PDE4D: variants seen among roughly 807,000 people sequenced by gnomAD.
PDE4D encodes the protein 3',5'-cyclic-AMP phosphodiesterase 4D.
In PDE4D, 24 loss-of-function variants were observed where a neutral mutation model predicts 87.4. The ratio of observed to expected loss-of-function variants is 0.27; its 90% CI spans 0.20 to 0.39. The LOEUF (loss-of-function observed/expected upper bound fraction) is 0.39, where lower values mean the gene tolerates loss of function less well. Among genes scored for constraint, PDE4D ranks in the 10% least tolerant of loss-of-function variants. The pLI is 1.00. For missense variants in PDE4D, 714 were observed against 1,041.0 expected, an observed-to-expected ratio of 0.69 and a Z score of 4.32; for synonymous variants, 384 against 383.2, an observed-to-expected ratio of 1.00 and a Z score of -0.02.
chr5:59,268,276 T>C (rs1431043351), intron 1 of PDE4D, among the ~76,000 whole-genome samples: 1 of 152,102 alleles, frequency 6.6e-6, no homozygotes, highest in Non-Finnish European at 1.5e-5. Flanking sequence ...ATTGCCCCTG[T>C]CATGCTAAAA....
rs547279311 is a variant in PDE4D, at chr5:60,007,679, T to G, written c.43-18962A>C. Among the ~76,000 whole-genome samples, 162 of 152,144 alleles carry G rather than the reference T, an allele frequency of 1.1e-3. 1 individual carries two copies. Among genetic ancestry groups the G allele is most frequent in the African/African-American group, 3.8e-3 (158 of 41,570 alleles). ...TCAGGGTTGGCAGTAACTTTAAATG[T>G]CATCTACTTCAGTATTTCCCTTGTT... On this transcript the variant is annotated intron_variant, in intron 2 of 16. Coordinates refer to the PDE4D transcript ENST00000502484.
intron 1 of PDE4D, among the ~76,000 whole-genome samples, chr5:59,323,751 T>C (rs912624729): frequency 1.6e-4 from 24 of 152,056 alleles, no homozygotes; most frequent in African/African-American, 5.6e-4. Context: ...GTCTTGAAGA[T>C]TTGCAATCCA....
intron 1 of PDE4D, among the ~76,000 whole-genome samples, chr5:60,254,538 A>G (rs146195017): frequency 6.4e-4 from 98 of 152,020 alleles, no homozygotes; most frequent in African/African-American, 2.2e-3. Context: ...GCCAACAGCA[A>G]TTAATAGACA....
At chr5:59,515,994 G>T (rs940862118) in intron 1 of PDE4D, among the ~76,000 whole-genome samples, 1 of 152,138 alleles carries the variant, frequency 6.6e-6, no homozygotes, top group Non-Finnish European at 1.5e-5. Flanking sequence ...ATATGTAAAA[G>T]AACTTTACGG....
chr5:59,261,346 A>G (rs1192722574), intron 1 of PDE4D, among the ~76,000 whole-genome samples: 2 of 151,910 alleles, frequency 1.3e-5, no homozygotes, highest in Non-Finnish European at 1.5e-5. Flanking sequence ...GATTATGCAC[A>G]GTAACAAAGG....
At chr5:59,442,791 C>T (rs948286916) in intron 1 of PDE4D, among the ~76,000 whole-genome samples, 1 of 152,054 alleles carries the variant, frequency 6.6e-6, no homozygotes, top group African/African-American at 2.4e-5. Context: ...CTTCAAGGAC[C>T]CATTTGTCCA....
chr5:59,714,225 C>T (rs1202760180), intron 1 of PDE4D, among the ~76,000 whole-genome samples: 1 of 152,182 alleles, frequency 6.6e-6, no homozygotes, highest in African/African-American at 2.4e-5. Context: ...CGATAAGCAG[C>T]CCAATGAAGT....
At chr5:60,377,179 C>T (rs1761499678) in intron 1 of PDE4D, among the ~76,000 whole-genome samples, 1 of 152,184 alleles carries the variant, frequency 6.6e-6, no homozygotes, top group Non-Finnish European at 1.5e-5. Context: ...TTTATTGTCA[C>T]TGCCTATTTC....
chr5:59,844,907 C>G (rs1186047191), intron 1 of PDE4D, among the ~76,000 whole-genome samples: 1 of 152,000 alleles, frequency 6.6e-6, no homozygotes, highest in South Asian at 2.1e-4. Context: ...GGAGTTGGGC[C>G]CTTCCTGAAG....
At chr5:59,230,182 C>G (rs1434745439) in intron 1 of PDE4D, among the ~76,000 whole-genome samples, 1 of 152,074 alleles carries the variant, frequency 6.6e-6, no homozygotes, top group Non-Finnish European at 1.5e-5. Flanking sequence ...CTCTCTCCCT[C>G]CCTCTCTATT....
intron 1 of PDE4D, among the ~76,000 whole-genome samples, chr5:59,693,865 G>C (rs552545469): frequency 6.6e-6 from 1 of 152,230 alleles, no homozygotes; most frequent in East Asian, 1.9e-4. Flanking sequence ...GTAGTCTATG[G>C]ATTAGGATTT....
chr5:59,137,816 A>G (rs1777331521), intron 5 of PDE4D, among the ~76,000 whole-genome samples: 1 of 152,312 alleles, frequency 6.6e-6, no homozygotes, highest in East Asian at 1.9e-4. Context: ...GTAAGCCACC[A>G]CGCCCAGCCT....
intron 1 of PDE4D, among the ~76,000 whole-genome samples, chr5:59,272,012 C>G (rs1358362719): frequency 6.6e-6 from 1 of 151,504 alleles, no homozygotes; most frequent in East Asian, 1.9e-4. Context: ...TACATGTATA[C>G]TTATTACATA....
chr5:59,450,240 T>C (rs1171176910), intron 1 of PDE4D, among the ~76,000 whole-genome samples: 2 of 152,222 alleles, frequency 1.3e-5, no homozygotes, highest in African/African-American at 2.4e-5. Context: ...AAATAATATA[T>C]TGGCTAATGT....
chr5:60,015,987 A>C (rs550364172), intron 2 of PDE4D, among the ~76,000 whole-genome samples: 2 of 150,504 alleles, frequency 1.3e-5, no homozygotes, highest in African/African-American at 4.9e-5. Flanking sequence ...TCCTGGGTTC[A>C]CGCCATTCTT....
At chr5:60,063,526 A>G (rs950480516) in intron 2 of PDE4D, among the ~76,000 whole-genome samples, 1 of 152,094 alleles carries the variant, frequency 6.6e-6, no homozygotes, top group Non-Finnish European at 1.5e-5. Flanking sequence ...TCCTGGGTGT[A>G]GGCCAACCTT....
intron 2 of PDE4D, among the ~76,000 whole-genome samples, chr5:59,998,398 A>C (rs1196011370): frequency 1.3e-5 from 2 of 152,196 alleles, no homozygotes; most frequent in Non-Finnish European, 2.9e-5. Flanking sequence ...TCCAGTTTTA[A>C]AGTAAAATAT....
intron 2 of PDE4D, among the ~76,000 whole-genome samples, chr5:60,116,915 G>C (rs1372367507): frequency 6.6e-6 from 1 of 151,948 alleles, no homozygotes; most frequent in Non-Finnish European, 1.5e-5. Flanking sequence ...CCATTCAAAA[G>C]ATCTGAGATT....
intron 5 of PDE4D, chr5:59,157,176 TGAAGGG>T: frequency 3.4e-6 from 2 of 595,104 alleles, no homozygotes; most frequent in Non-Finnish European, 3.0e-6. Context: ...TTTTTCTTTC[TGAAGGG>T]TTAGAATTTC....
Sources: gnomAD v4.1 joint callset for allele counts (sites outside exome capture counted in the v4.1 genomes callset) on GRCh38, gnomAD v4.1.1 for gene constraint, MANE v1.5 for transcripts, NCBI Gene and HGNC (gene_info 2026-07-23, HGNC 2026-07-21) for gene names.